The following PHF19 variants were observed in gnomAD, a reference collection of about 807,000 sequenced individuals.
PHF19 encodes the protein polycomb like 3.
PHF19 carries 21 observed loss-of-function variants against 79.8 expected under a neutral mutation model. That is an observed-to-expected ratio of 0.26 (90% CI 0.19 to 0.38). The LOEUF (loss-of-function observed/expected upper bound fraction) is 0.38, where lower values mean the gene tolerates loss of function less well. PHF19 is among the 10% of genes least tolerant of loss of function. PHF19 has a pLI of 1.00. For synonymous variants in PHF19, 273 were observed against 296.3 expected (o/e 0.92, Z 0.81); for missense variants, 445 against 744.2 (o/e 0.60, Z 4.68).
At chr9:120,885,500 C>T (rs890881932) in intron 1 of PHF19, among the ~76,000 whole-genome samples, 1 of 151,576 alleles carries the variant, frequency 6.6e-6, no homozygotes, top group African/African-American at 2.4e-5. Flanking sequence ...ATGGCTTGAA[C>T]CCAGGAGGCG....
At chr9:120,899,428 A>G (rs1363130977), upstream of PHF19, among the ~76,000 whole-genome samples, 5 of 151,112 alleles carry the variant, frequency 3.3e-5, no homozygotes, top group East Asian at 1.9e-4. Flanking sequence ...CCTGGGAGGC[A>G]GAGCTTGCAG....
At chr9:120,881,372 C>T (rs771765890), upstream of PHF19, among the ~76,000 whole-genome samples, 4 of 152,066 alleles carry the variant, frequency 2.6e-5, no homozygotes, top group Non-Finnish European at 4.4e-5. Flanking sequence ...TGGTCTTGAT[C>T]TCCTGACCTC....
chr9:120,871,185 G>A (rs1211452364), intron 3 of PHF19, among the ~76,000 whole-genome samples: 4 of 152,126 alleles, frequency 2.6e-5, no homozygotes, highest in African/African-American at 9.7e-5. Context: ...TTACACGCGT[G>A]AGCCACTGTG....
At chr9:120,900,979 G>A in the PHF19 span, among the ~76,000 whole-genome samples, 13 of 152,232 alleles carry the variant, frequency 8.5e-5, no homozygotes, top group Admixed American at 5.9e-4. Flanking sequence ...GTGGACACCC[G>A]TGAGGTGGCC....
chr9:120,862,851 C>T lies in PHF19; in HGVS notation c.969-102G>A, dbSNP rs1223725525. ...ACAAGCCTCTCTGCCTCCTTGGACC[C>T]AGAGCTAAAATCCGGATGGTCTCTG... On this transcript the variant is annotated intron_variant, in intron 10 of 14. Coordinates refer to ENST00000373896, the MANE Select transcript of PHF19 (RefSeq NM_015651.3). The surrounding 1 kb of genome is among the most constrained non-coding windows in gnomAD (Gnocchi z 4.6). The T allele has an allele frequency of 1.1e-5, 12 of 1,126,574 alleles. No individual in the cohort carries two copies. Among genetic ancestry groups the T allele is most frequent in the Non-Finnish European group, 1.6e-5 (12 of 757,994 alleles). 69.8% of individuals were successfully genotyped at this position (1,126,574 alleles called of 1,614,324 possible).
chr9:120,869,422 G>T lies in PHF19; in HGVS notation c.466-92C>A. The T allele has an allele frequency of 7.0e-7, 1 of 1,431,804 alleles. No individual in the cohort carries two copies. Among genetic ancestry groups the T allele is most frequent in the Non-Finnish European group, 9.4e-7 (1 of 1,063,724 alleles). The allele number at this position is 1,431,804 out of a possible 1,614,324, so 88.7% of individuals were successfully genotyped here. On this transcript the variant is annotated intron_variant, in intron 5 of 14. Transcript: ENST00000373896. The surrounding 1 kb of genome is among the most constrained non-coding windows in gnomAD (Gnocchi z 5.8). ...TGTCTATTGAGGGAAGTGCTGCCAG[G>T]GCTTGGGGGACCCGCAGATATTCCA...
chr9:120,898,407 G>A (rs1319244120), upstream of PHF19, among the ~76,000 whole-genome samples: 2 of 152,220 alleles, frequency 1.3e-5, no homozygotes, highest in African/African-American at 2.4e-5. Flanking sequence ...ATGAGCCACC[G>A]CCTCCGGCCC....
Position 120,870,383 on chromosome 9 carries a change from G to T in PHF19, c.364+60C>A. On this transcript the variant is annotated intron_variant, in intron 4 of 14. Transcript: ENST00000373896. The surrounding 1 kb of genome is among the most constrained non-coding windows in gnomAD (Gnocchi z 4.4). ...ACAGGCTGCAGCAGTACCCGTCAGG[G>T]GCCAGTGCGTGGGGACCTATAGGTC... 9.7e-7 allele frequency: 1 copy of T among 1,027,992 alleles called. No homozygotes were observed. The highest frequency in any genetic ancestry group is 1.5e-6 in the Non-Finnish European group (1 of 651,908). 63.7% of individuals were successfully genotyped at this position (1,027,992 alleles called of 1,614,324 possible).
At chr9:120,863,033 T>C in intron 10 of PHF19, 1 of 399,106 alleles carries the variant, frequency 2.5e-6, no homozygotes, top group Non-Finnish European at 4.6e-6. Context: ...GGCCACCTCC[T>C]GCAGGAAGCC....
chr9:120,897,494 C>T (rs146639347), upstream of PHF19, among the ~76,000 whole-genome samples: 1 of 152,080 alleles, frequency 6.6e-6, no homozygotes, highest in Non-Finnish European at 1.5e-5. Flanking sequence ...TCCCTGTAGC[C>T]AAGGCACTGA....
rs1403066177 is a variant in PHF19 at position 120,874,999 on chromosome 9, C to T, written c.-15-243G>A. ...CCAAAGGCAGAGCCATGGCCCATAC[C>T]ACACTACCTTTTAAAGAGAATGGAT... On this transcript the variant is annotated intron_variant, in intron 1 of 14. Coordinates refer to ENST00000373896, the MANE Select transcript of PHF19 (RefSeq NM_015651.3). The surrounding 1 kb of genome is among the most constrained non-coding windows in gnomAD (Gnocchi z 4.5). Among the ~76,000 whole-genome samples, 1 of 152,178 alleles carries T rather than the reference C, an allele frequency of 6.6e-6. No individual in the cohort carries two copies. The highest frequency in any genetic ancestry group is 1.5e-5 in the Non-Finnish European group (1 of 68,034).
At chr9:120,900,920 G>A in the PHF19 span, among the ~76,000 whole-genome samples, 1 of 152,204 alleles carries the variant, frequency 6.6e-6, no homozygotes, top group Admixed American at 6.5e-5. Flanking sequence ...GTAATTGAAG[G>A]CATAAATAAT....
Position 120,869,078 on chromosome 9 carries a change from C to T in PHF19, c.614+104G>A. 7.7e-7 allele frequency: 1 copy of T among 1,299,436 alleles called. No homozygotes were observed. The highest frequency in any genetic ancestry group is 1.0e-6 in the Non-Finnish European group (1 of 974,136). 80.5% of individuals were successfully genotyped at this position (1,299,436 alleles called of 1,614,324 possible). A position where few individuals can be genotyped will look rare whatever the true frequency, so the allele number is the denominator to read the frequency against. ...ACACACTGGGCCCGCCCTCAAGGTC[C>T]CCGCCTTGGCTGACACGCCAGGCTC... is the stretch of plus-strand genomic sequence containing the variant. On this transcript the variant is annotated intron_variant, in intron 6 of 14. Coordinates refer to ENST00000373896, the MANE Select transcript of PHF19 (RefSeq NM_015651.3). This position sits in a 1 kb window ranked among gnomAD's most constrained non-coding sequence, Gnocchi z 5.8.
chr9:120,864,960 A>C (rs1477087247), intron 9 of PHF19, among the ~76,000 whole-genome samples: 2 of 152,192 alleles, frequency 1.3e-5, no homozygotes, highest in Non-Finnish European at 2.9e-5. Context: ...AATTAAAAAA[A>C]ATTAGAAAAA....
the PHF19 span, chr9:120,902,868 G>A: frequency 1.3e-5 from 2 of 152,076 alleles, no homozygotes; most frequent in African/African-American, 4.8e-5. Context: ...CTTCAATGTC[G>A]AACACAGTTA....
chr9:120,860,410 G>T lies in PHF19; in HGVS notation c.1305-225C>A. The stretch of plus-strand genomic sequence containing the variant: ...GCACCCTCCCCTGGCGGTGACGTAA[G>T]CACTGGTGTCAATAACTCGAGCGTG... On this transcript the variant is annotated intron_variant, in intron 13 of 14. Coordinates refer to ENST00000373896, the MANE Select transcript of PHF19 (RefSeq NM_015651.3). This position sits in a 1 kb window ranked among gnomAD's most constrained non-coding sequence, Gnocchi z 4.1. The T allele has an allele frequency of 1.9e-6, 1 of 524,304 alleles. No homozygotes were observed. Among genetic ancestry groups the T allele is most frequent in the African/African-American group, 1.9e-5 (1 of 52,226 alleles). The allele number at this position is 524,304 out of a possible 1,614,324, so 32.5% of individuals were successfully genotyped here.
In PHF19 at chr9:120,869,813, G is replaced by A. The variant is rs1183266941; in HGVS notation, c.465+32C>T. On this transcript the variant is annotated intron_variant, in intron 5 of 14. Coordinates refer to ENST00000373896, the MANE Select transcript of PHF19 (RefSeq NM_015651.3). This position sits in a 1 kb window ranked among gnomAD's most constrained non-coding sequence, Gnocchi z 5.8. ...GTCTGCCCCACTGGAGGAGGCAGGA[G>A]AGGCAGGGACTGGGGAGGATGGAAG... 3 of 1,612,722 alleles carry A rather than the reference G, an allele frequency of 1.9e-6. No homozygotes were observed. Among genetic ancestry groups the A allele is most frequent in the African/African-American group, 2.7e-5 (2 of 74,892 alleles).
chr9:120,884,754 CAAAAAAA>C (rs57387656), intron 1 of PHF19, among the ~76,000 whole-genome samples: 3 of 127,014 alleles, frequency 2.4e-5, no homozygotes, highest in Non-Finnish European at 5.0e-5. Context: ...CCAAAAAATA[CAAAAAAA>C]AAAAAAAAAA....
At chr9:120,871,524 A>G (rs552555779) in intron 3 of PHF19, among the ~76,000 whole-genome samples, 5 of 152,356 alleles carry the variant, frequency 3.3e-5, no homozygotes, top group Admixed American at 1.3e-4. Context: ...CTTTTGAATC[A>G]AAGTCCCCAA....
Sources: allele counts gnomAD v4.1 joint callset (sites outside exome capture counted in the v4.1 genomes callset), GRCh38; gene constraint gnomAD v4.1.1; non-coding constraint Gnocchi (gnomAD v3.1); transcripts MANE v1.5; gene names NCBI Gene and HGNC (gene_info 2026-07-23, HGNC 2026-07-21).